CNTN2: variants seen among roughly 807,000 people sequenced by gnomAD.
CNTN2 encodes the protein contactin-2.
In CNTN2, 53 loss-of-function variants were observed where a neutral mutation model predicts 117.5. The observed-to-expected ratio is 0.45, with a 90% CI of 0.36 to 0.57. The LOEUF is 0.57. Ranked by LOEUF, CNTN2 falls within the 20% of genes least tolerant of loss-of-function variation. The probability of loss-of-function intolerance (pLI) is 0.00; values close to 1 mark genes in which losing one functional copy is unlikely to be tolerated. For missense variants in CNTN2, 1,106 were observed against 1,404.3 expected (o/e 0.79, Z 3.39); for synonymous variants, 530 against 561.7 (o/e 0.94, Z 0.80).
intron 1 of CNTN2, 71 bp from the exon 2 acceptor site, chr1:205,053,029 G>T: frequency 2.1e-6 from 1 of 481,720 alleles, no homozygotes. Context: ...AAGCTTTACG[G>T]ACCCAGATGT....
Position 205,059,386 on chromosome 1 carries a change from G to C in CNTN2, c.697+93G>C. The C allele has an allele frequency of 7.5e-7, 1 of 1,334,448 alleles. No homozygotes were observed. The highest frequency in any genetic ancestry group is 1.0e-6 in the Non-Finnish European group (1 of 956,172). The allele number at this position is 1,334,448 out of a possible 1,614,324, so 82.7% of individuals were successfully genotyped here. ...TTTTCCTTTGGAGATTGGAAGATCA[G>C]CTTGCAGGGCACTGATTCCAGGCCC... On this transcript the variant is annotated intron_variant, in intron 6 of 22. Coordinates refer to ENST00000331830, the MANE Select transcript of CNTN2 (RefSeq NM_005076.5). The surrounding 1 kb of genome is among the most constrained non-coding windows in gnomAD (Gnocchi z 5.6).
At chr1:205,070,368 G>A in intron 18 of CNTN2, 58 bp from the exon 19 acceptor site, 1 of 1,245,594 alleles carries the variant, frequency 8.0e-7, no homozygotes, top group Non-Finnish European at 1.2e-6. Flanking sequence ...GTTGGGGGCT[G>A]CTCTGCAGGA....
rs577845981 is a variant in CNTN2 at position 205,058,172 on chromosome 1, C to T, written c.216-9C>T. 44 of 1,589,970 alleles carry T rather than the reference C, an allele frequency of 2.8e-5. No individual in the cohort carries two copies. The highest frequency in any genetic ancestry group is 2.5e-4 in the Admixed American group (14 of 56,510). On this transcript the variant is annotated splice_polypyrimidine_tract_variant and intron_variant, in intron 3 of 22. Coordinates refer to ENST00000331830, the MANE Select transcript of CNTN2 (RefSeq NM_005076.5). The surrounding 1 kb of genome is among the most constrained non-coding windows in gnomAD (Gnocchi z 4.3). ...CTCAGAGGTCCCCTTCCTCTGTCCC[C>T]TGCTGCAGGTGGAAGATGAATGGTA...
rs552818718 is a variant in CNTN2, at chr1:205,075,309, T to G, written c.*1544T>G. On this transcript the variant is annotated 3_prime_UTR_variant, in exon 23 of 23. Coordinates refer to ENST00000331830, the MANE Select transcript of CNTN2 (RefSeq NM_005076.5). ...TTCCCGTCCAAGGTGTGGGCAGAGC[T>G]TCTACCAAACTTCAACATGGAGGGC... 129 of 157,960 alleles carry G rather than the reference T, an allele frequency of 8.2e-4. No homozygotes were observed. Among genetic ancestry groups the G allele is most frequent in the Admixed American group, 3.4e-3 (53 of 15,426 alleles). 9.8% of individuals were successfully genotyped at this position (157,960 alleles called of 1,614,324 possible). A position where few individuals can be genotyped will look rare whatever the true frequency, so the allele number is the denominator to read the frequency against.
Position 205,061,937 on chromosome 1 carries a change from C to T in CNTN2, c.1046C>T (p.Ala349Val). Residue 349 changes from alanine to valine, a missense_variant, in exon 9 of 23, where the codon GCA (alanine) becomes GTA (valine). Coordinates refer to ENST00000331830, the MANE Select transcript of CNTN2 (RefSeq NM_005076.5). The surrounding 1 kb of genome is among the most constrained non-coding windows in gnomAD (Gnocchi z 4.8). ...DIGSNLRWGC[A>V]AAGKPRPTVR... ...GGCTCCAACCTGCGTTGGGGCTGTG[C>T]AGCCGCCGGCAAGCCCCGGCCTACA... The T allele has an allele frequency of 6.2e-7, 1 of 1,608,182 alleles. No homozygotes were observed. Among genetic ancestry groups the T allele is most frequent in the Admixed American group, 1.7e-5 (1 of 59,358 alleles).
At chr1:205,064,895 C>T (rs113329614) in intron 12 of CNTN2, 145 bp downstream of exon 12, 2 of 1,321,562 alleles carry the variant, frequency 1.5e-6, no homozygotes, top group African/African-American at 2.9e-5. Context: ...CACCCCCTGG[C>T]CACCACTGAG....
At chr1:205,070,154 G>A in intron 18 of CNTN2, 93 bp downstream of exon 18, 1 of 1,284,980 alleles carries the variant, frequency 7.8e-7, no homozygotes, top group Non-Finnish European at 1.1e-6. Flanking sequence ...TCCCAGCTCA[G>A]TTCCATAGGA....
At position 205,059,502 on chromosome 1, in the gene CNTN2, T is replaced by A. The variant is rs1653852842; in HGVS notation, c.698-81T>A. 7.2e-7 allele frequency: 1 copy of A among 1,387,604 alleles called. No homozygotes were observed. The highest frequency in any genetic ancestry group is 1.4e-5 in the African/African-American group (1 of 70,618). The allele number at this position is 1,387,604 out of a possible 1,614,324, so 86.0% of individuals were successfully genotyped here. On this transcript the variant is annotated intron_variant, in intron 6 of 22. Transcript: ENST00000331830. This position sits in a 1 kb window ranked among gnomAD's most constrained non-coding sequence, Gnocchi z 5.6. ...ACAGCTGCCTAGACAGAGTTGGCTC[T>A]GAAAGGTGCTGAGATCCCATGCACG... is the stretch of plus-strand genomic sequence containing the variant.
chr1:205,059,743 G>A lies in CNTN2; in HGVS notation c.797+61G>A, dbSNP rs1574644267. The A allele has an allele frequency of 7.1e-7, 1 of 1,404,732 alleles. No individual in the cohort carries two copies. Among genetic ancestry groups the A allele is most frequent in the Non-Finnish European group, 1.0e-6 (1 of 995,312 alleles). 87.0% of individuals were successfully genotyped at this position (1,404,732 alleles called of 1,614,324 possible). On this transcript the variant is annotated intron_variant, in intron 7 of 22. Transcript: ENST00000331830. This position sits in a 1 kb window ranked among gnomAD's most constrained non-coding sequence, Gnocchi z 5.6. Reference sequence around the variant, plus strand: ...CTCTCGGGGGCACAGGTGACCCCAGGGTGAGGGCAGGCAGAGTCAGGGCTC... The same window carrying A: ...CTCTCGGGGGCACAGGTGACCCCAGAGTGAGGGCAGGCAGAGTCAGGGCTC...
At chr1:205,056,455 G>A (rs564261029) in intron 2 of CNTN2, among the ~76,000 whole-genome samples, 6 of 152,308 alleles carry the variant, frequency 3.9e-5, no homozygotes, top group Non-Finnish European at 8.8e-5. Context: ...TGCCTGCACC[G>A]GGCCATTCCT....
intron 7 of CNTN2, chr1:205,060,232 C>G (rs1030715605): frequency 1.9e-5 from 3 of 155,098 alleles, no homozygotes; most frequent in African/African-American, 7.2e-5. Context: ...CTTTCTCGTA[C>G]TCCTAGAAGA....
rs897662214 is a variant in CNTN2, at chr1:205,050,173, C to T, written c.-86-2927C>T. Among the ~76,000 whole-genome samples the T allele has an allele frequency of 2.0e-5, 3 of 152,272 alleles. No individual in the cohort carries two copies. The South Asian group carries it at 6.2e-4, about 32-fold the overall frequency. On this transcript the variant is annotated intron_variant, in intron 1 of 22. Coordinates refer to ENST00000331830, the MANE Select transcript of CNTN2 (RefSeq NM_005076.5). ...ATCAGGTTCAAACCCTGGAAGGTCCCGACACCTCTCTATTCTGAGGATAAC... is the reference window on the plus strand; with the variant it reads ...ATCAGGTTCAAACCCTGGAAGGTCCTGACACCTCTCTATTCTGAGGATAAC...
chr1:205,069,479 G>C lies in CNTN2; in HGVS notation c.2126-12G>C. On this transcript the variant is annotated splice_polypyrimidine_tract_variant and intron_variant, in intron 16 of 22. Coordinates refer to ENST00000331830, the MANE Select transcript of CNTN2 (RefSeq NM_005076.5). ...TTAACAAGCCATATCGGTGTCCCTT[G>C]GCCCTTGACAGCCCCCTCGGTGGCA... 6.2e-7 allele frequency: 1 copy of C among 1,613,864 alleles called. No homozygotes were observed. The highest frequency in any genetic ancestry group is 1.1e-5 in the South Asian group (1 of 90,994).
Position 205,073,430 on chromosome 1 carries a change from G to A in CNTN2, c.3013+194G>A, listed in dbSNP as rs1016334719. ...TCTACCCAGCCCCCAGAACATCCCC[G>A]AGGGCCAGGGAAGGGCGCAGGGTGC... is the stretch of plus-strand genomic sequence containing the variant. On this transcript the variant is annotated intron_variant, in intron 22 of 22. Transcript: ENST00000331830. The surrounding 1 kb of genome is among the most constrained non-coding windows in gnomAD (Gnocchi z 6.3). 4.3e-5 allele frequency: 34 copies of A among 792,352 alleles called. No homozygotes were observed. The highest frequency in any genetic ancestry group is 6.3e-5 in the Non-Finnish European group (32 of 508,982). 49.1% of individuals were successfully genotyped at this position (792,352 alleles called of 1,614,324 possible). A position where few individuals can be genotyped will look rare whatever the true frequency, so the allele number is the denominator to read the frequency against.
At chr1:205,045,074 T>C (rs891683198) in intron 1 of CNTN2, among the ~76,000 whole-genome samples, 1 of 152,082 alleles carries the variant, frequency 6.6e-6, no homozygotes, top group Admixed American at 6.5e-5. Flanking sequence ...TCACCCAAGG[T>C]CCACCTGCCT....
chr1:205,075,851 C>G lies in CNTN2; in HGVS notation c.*2086C>G, dbSNP rs748784496. The G allele has an allele frequency of 2.6e-5, 4 of 152,242 alleles. No individual in the cohort carries two copies. The highest frequency in any genetic ancestry group is 2.1e-4 in the South Asian group (1 of 4,830). The allele number at this position is 152,242 out of a possible 1,614,324, so 9.4% of individuals were successfully genotyped here. A position where few individuals can be genotyped will look rare whatever the true frequency, so the allele number is the denominator to read the frequency against. Reference sequence around the variant, plus strand: ...CTTGGCCTAGCATCCCTCCTGGCCCCCCTCTGGCCACGACTTGGCCTGTGC... The same window carrying G: ...CTTGGCCTAGCATCCCTCCTGGCCCGCCTCTGGCCACGACTTGGCCTGTGC... On this transcript the variant is annotated 3_prime_UTR_variant, in exon 23 of 23. Transcript: ENST00000331830.
At position 205,065,005 on chromosome 1, in the gene CNTN2, A is replaced by G; in HGVS notation, c.1520-82A>G. 6.8e-7 allele frequency: 1 copy of G among 1,474,418 alleles called. No individual in the cohort carries two copies. Among genetic ancestry groups the G allele is most frequent in the Non-Finnish European group, 9.3e-7 (1 of 1,073,650 alleles). The allele number at this position is 1,474,418 out of a possible 1,614,324, so 91.3% of individuals were successfully genotyped here. ...TCTTCTCTTTGCTGGGCCTTAGGAC[A>G]GAGCCTCTCAGCCTGCCCTGCGGAC... On this transcript the variant is annotated intron_variant, in intron 12 of 22. Coordinates refer to ENST00000331830, the MANE Select transcript of CNTN2 (RefSeq NM_005076.5). This position sits in a 1 kb window ranked among gnomAD's most constrained non-coding sequence, Gnocchi z 4.1.
rs1440243021 is a variant in CNTN2 at position 205,061,206 on chromosome 1, A to G, written c.798-39A>G. 1 of 1,566,428 alleles carries G rather than the reference A, an allele frequency of 6.4e-7. No homozygotes were observed. The highest frequency in any genetic ancestry group is 1.4e-5 in the African/African-American group (1 of 74,008). ...CTGCGGGCACTGGAGGGGTAGGCCC[A>G]GCTCAGCCCACACCCTCTGGCTTTG... On this transcript the variant is annotated intron_variant, in intron 7 of 22. Coordinates refer to ENST00000331830, the MANE Select transcript of CNTN2 (RefSeq NM_005076.5). The surrounding 1 kb of genome is among the most constrained non-coding windows in gnomAD (Gnocchi z 4.8).
chr1:205,058,556 C>T lies in CNTN2; in HGVS notation c.392-12C>T. ...GGAGGACAGTGCCTGAGCCCCTGGT[C>T]TCTGCCTCCAGTTCTGCAGGAATTC... On this transcript the variant is annotated splice_polypyrimidine_tract_variant and intron_variant, in intron 4 of 22. Coordinates refer to ENST00000331830, the MANE Select transcript of CNTN2 (RefSeq NM_005076.5). This position sits in a 1 kb window ranked among gnomAD's most constrained non-coding sequence, Gnocchi z 4.3. The T allele has an allele frequency of 6.2e-7, 1 of 1,612,884 alleles. No homozygotes were observed. The highest frequency in any genetic ancestry group is 8.5e-7 in the Non-Finnish European group (1 of 1,179,432).
Sources: allele counts gnomAD v4.1 joint callset (sites outside exome capture counted in the v4.1 genomes callset), GRCh38; gene constraint gnomAD v4.1.1; non-coding constraint Gnocchi (gnomAD v3.1); transcripts MANE v1.5; gene names NCBI Gene and HGNC (gene_info 2026-07-23, HGNC 2026-07-21).